Variants in MED13L observed in about 807,000 individuals in gnomAD.
The protein encoded by MED13L is mediator of RNA polymerase II transcription subunit 13-like.
A neutral mutation model predicts 220.9 loss-of-function variants in MED13L; 7 were observed. The observed-to-expected ratio is 0.03, with a 90% CI of 0.02 to 0.06. The LOEUF is 0.06. Among genes scored for constraint, MED13L ranks in the 10% least tolerant of loss-of-function variants. The pLI, the probability that MED13L is intolerant of heterozygous loss-of-function variation, is 1.00. For synonymous variants in MED13L, 1,011 were observed against 1,015.2 expected, an observed-to-expected ratio of 1.00 and a Z score of 0.08; for missense variants, 1,965 against 2,760.5, an observed-to-expected ratio of 0.71 and a Z score of 6.46.
intron 11 of MED13L, chr12:116,007,149 A>C (rs1879098713): frequency 2.0e-6 from 1 of 495,050 alleles, no homozygotes; most frequent in Non-Finnish European, 3.7e-6. Context: ...AGCATATGAG[A>C]GAAAACATGC....
intron 28 of MED13L, 85 bp downstream of exon 28, chr12:115,968,855 T>C (rs556184059): frequency 3.3e-6 from 5 of 1,535,538 alleles, no homozygotes; most frequent in Admixed American, 1.7e-5. Flanking sequence ...ACTGTGCAAG[T>C]AGGAACAAGA....
At chr12:115,990,723 G>A (rs1271202311) in intron 17 of MED13L, among the ~76,000 whole-genome samples, 2 of 152,156 alleles carry the variant, frequency 1.3e-5, no homozygotes, top group African/African-American at 4.8e-5. Flanking sequence ...CAGTCTGTAA[G>A]CTCCTGACGA....
chr12:115,961,914 G>A (rs1046589638), intron 30 of MED13L, among the ~76,000 whole-genome samples: 1 of 151,712 alleles, frequency 6.6e-6, no homozygotes, highest in African/African-American at 2.4e-5. Context: ...AGGTTGCAGT[G>A]AGATCATGCC....
At chr12:116,037,983 C>T (rs1370679710) in intron 4 of MED13L, among the ~76,000 whole-genome samples, 3 of 152,142 alleles carry the variant, frequency 2.0e-5, no homozygotes, top group Non-Finnish European at 2.9e-5. Context: ...TTATGAAAGT[C>T]ATCTTACTAA....
chr12:116,265,937 G>C (rs1490078765), intron 1 of MED13L, among the ~76,000 whole-genome samples: 1 of 152,008 alleles, frequency 6.6e-6, no homozygotes, highest in Non-Finnish European at 1.5e-5. Context: ...CCCCTTTCAG[G>C]TTTCTCTGGC....
chr12:116,111,614 A>G (rs1285169582), intron 2 of MED13L, 102 bp from the exon 3 acceptor site: 1 of 830,688 alleles, frequency 1.2e-6, no homozygotes, highest in African/African-American at 1.7e-5. Flanking sequence ...TTCATGAGTT[A>G]ATTTAAATGA....
intron 10 of MED13L, 64 bp from the exon 11 acceptor site, chr12:116,007,700 A>T (rs921208828): frequency 1.4e-6 from 2 of 1,428,194 alleles, no homozygotes; most frequent in Admixed American, 4.1e-5. Context: ...ACAAAGTTTA[A>T]ACTTTTTGTA....
At chr12:116,173,741 T>C (rs914619876) in intron 2 of MED13L, among the ~76,000 whole-genome samples, 3 of 152,142 alleles carry the variant, frequency 2.0e-5, no homozygotes, top group African/African-American at 4.8e-5. Context: ...CACAAAGGAC[T>C]ATCCACATGA....
At position 116,096,765 on chromosome 12, in the gene MED13L, C is replaced by G; in HGVS notation, c.396-13G>C. The stretch of plus-strand genomic sequence containing the variant: ...ATCCATTAGGCACCTAAAATAATTA[C>G]ATCAAGAATTACTTTTATAGTATCA... On this transcript the variant is annotated splice_polypyrimidine_tract_variant and intron_variant, in intron 3 of 30. Transcript: ENST00000281928. 6.3e-7 allele frequency: 1 copy of G among 1,595,958 alleles called. No individual in the cohort carries two copies. The highest frequency in any genetic ancestry group is 8.6e-7 in the Non-Finnish European group (1 of 1,163,630).
In MED13L at chr12:115,983,253, A is replaced by G. The variant is rs573142806; in HGVS notation, c.4819T>C (p.Phe1607Leu). 1.2e-6 allele frequency: 2 copies of G among 1,614,174 alleles called. No individual in the cohort carries two copies. The highest frequency in any genetic ancestry group is 1.6e-4 in the Middle Eastern group (1 of 6,062). ...TTCTGCCCTCCAACACTACCACTGAATCCTGAAGAAGAGGTAGTGCTTATC... is the reference window on the plus strand; with the variant it reads ...TTCTGCCCTCCAACACTACCACTGAGTCCTGAAGAAGAGGTAGTGCTTATC... ...SQISTTSSSGFSGSVGGQNPS... is the reference protein window; with the variant it reads ...SQISTTSSSGLSGSVGGQNPS... Residue 1607 changes from phenylalanine (F) to leucine (L), a missense_variant, in exon 21 of 31, where the codon TTC becomes CTC. Around this residue, in one of 10 missense-constraint regions of MED13L, gnomAD observed 510 missense variants for 620.4 expected, o/e 0.82. Coordinates refer to ENST00000281928, the MANE Select transcript of MED13L (RefSeq NM_015335.5).
chr12:116,240,361 T>A (rs1370517585), intron 1 of MED13L, among the ~76,000 whole-genome samples: 1 of 152,100 alleles, frequency 6.6e-6, no homozygotes, highest in Non-Finnish European at 1.5e-5. Context: ...CCTCCCAAAG[T>A]GCTGGGATTA....
chr12:116,014,182 A>G (rs962942088), intron 8 of MED13L, among the ~76,000 whole-genome samples: 3 of 152,222 alleles, frequency 2.0e-5, no homozygotes, highest in Non-Finnish European at 4.4e-5. Context: ...TTTAGTATGA[A>G]ATTGCTAAAA....
chr12:116,009,955 C>G (rs1392471318), intron 9 of MED13L, among the ~76,000 whole-genome samples: 1 of 152,056 alleles, frequency 6.6e-6, no homozygotes, highest in Non-Finnish European at 1.5e-5. Flanking sequence ...TAAATCATTC[C>G]CGGGGAAAAA....
chr12:115,984,859 C>T (rs1459918981), intron 19 of MED13L, among the ~76,000 whole-genome samples: 2 of 151,782 alleles, frequency 1.3e-5, no homozygotes, highest in East Asian at 3.9e-4. Flanking sequence ...AGTGAGTATG[C>T]TGATCGCCTT....
chr12:115,966,625 G>A (rs930630824), intron 28 of MED13L, among the ~76,000 whole-genome samples: 16 of 152,108 alleles, frequency 1.1e-4, no homozygotes, highest in East Asian at 1.9e-4. Context: ...ACACACAAGC[G>A]CACCAGCCTG....
In MED13L at chr12:116,009,051, T is replaced by C. The variant is rs1314616641; in HGVS notation, c.1362A>G (p.Ser454=). ...CAGGAGGTGGTAAAGATGAAGATGA[T>C]GATGGTCCTGCACTGAACCCTGGTT... ...VSQPGFSAGP[S]SSSSLPPPAS... is the part of the protein sequence containing the mutation. Residue 454 remains serine, a synonymous_variant, in exon 10 of 31, where the codon TCA becomes TCG. Coordinates refer to ENST00000281928, the MANE Select transcript of MED13L (RefSeq NM_015335.5). 6.2e-7 allele frequency: 1 copy of C among 1,613,998 alleles called. No homozygotes were observed. Among genetic ancestry groups the C allele is most frequent in the East Asian group, 2.2e-5 (1 of 44,888 alleles).
chr12:116,056,758 TTAAA>T (rs540028314), intron 4 of MED13L, among the ~76,000 whole-genome samples: 205 of 152,318 alleles, frequency 1.3e-3, no homozygotes, highest in Non-Finnish European at 2.4e-3. Context: ...TTATCTACTC[TTAAA>T]TGATTGCACA....
intron 1 of MED13L, among the ~76,000 whole-genome samples, chr12:116,261,492 C>CAA (rs35601745): frequency 0.015 from 900 of 58,078 alleles, 11 homozygotes; most frequent in African/African-American, 0.048. Context: ...AACTCAGTCT[C>CAA]AAAAAAAAAA....
Position 116,019,839 on chromosome 12 carries a change from C to A in MED13L, c.759G>T (p.Ser253=). 1.9e-6 allele frequency: 3 copies of A among 1,613,962 alleles called. No individual in the cohort carries two copies. The highest frequency in any genetic ancestry group is 1.1e-5 in the South Asian group (1 of 91,082). ...CATATCCCAACTCGTCTTCCTCTTT[C>A]GATTCTTCTTTCTTTTTTAGCACCA... is the stretch of plus-strand genomic sequence containing the variant. ...YPMVLKKKEE[S]KEEDELGYDD... is the part of the protein sequence containing the mutation. The change falls in exon 6 of 31, where the codon TCG becomes TCT. Residue 253 remains serine (S), a synonymous_variant. Coordinates refer to ENST00000281928, the MANE Select transcript of MED13L (RefSeq NM_015335.5).
Sources: gnomAD v4.1 joint callset for allele counts (sites outside exome capture counted in the v4.1 genomes callset) on GRCh38, gnomAD v4.1.1 for gene constraint, gnomAD v4.1.1 regional missense constraint, MANE v1.5 for transcripts, NCBI Gene and HGNC (gene_info 2026-07-23, HGNC 2026-07-21) for gene names.